The following PIBF1 variants were observed in gnomAD, a reference collection of about 807,000 sequenced individuals.
The protein encoded by PIBF1 is progesterone immunomodulatory binding factor 1.
A neutral mutation model predicts 112.5 loss-of-function variants in PIBF1; 90 were observed. The ratio of observed to expected loss-of-function variants is 0.80; its 90% CI spans 0.67 to 0.95. The LOEUF is 0.95. Among genes scored for constraint, PIBF1 ranks in the 40% least tolerant of loss-of-function variants. PIBF1 has a pLI of 0.00. For missense variants in PIBF1, 915 were observed against 852.3 expected (o/e 1.07, Z -0.92); for synonymous variants, 301 against 288.6 (o/e 1.04, Z -0.44).
chr13:72,972,981 C>T (rs1026425663), intron 15 of PIBF1, among the ~76,000 whole-genome samples: 13 of 152,050 alleles, frequency 8.5e-5, no homozygotes, highest in African/African-American at 2.9e-4. Context: ...TACTTCTTAC[C>T]TTTTATGTGA....
At chr13:72,917,442 C>A (rs976713362) in intron 13 of PIBF1, among the ~76,000 whole-genome samples, 1 of 151,528 alleles carries the variant, frequency 6.6e-6, no homozygotes, top group Non-Finnish European at 1.5e-5. Context: ...AGATGAGCTA[C>A]AAATGCTTTG....
At chr13:72,812,110 C>T (rs758825467) in intron 5 of PIBF1, among the ~76,000 whole-genome samples, 16 of 152,050 alleles carry the variant, frequency 1.1e-4, no homozygotes, top group Non-Finnish European at 1.8e-4. Flanking sequence ...GGATGTATCA[C>T]TACATGATGG....
intron 9 of PIBF1, among the ~76,000 whole-genome samples, chr13:72,839,400 G>A (rs2037503718): frequency 6.6e-6 from 1 of 152,176 alleles, no homozygotes; most frequent in Non-Finnish European, 1.5e-5. Context: ...GCTTTAATAG[G>A]AAAACATGAT....
At chr13:72,946,772 C>T (rs2042158824) in intron 14 of PIBF1, among the ~76,000 whole-genome samples, 1 of 152,218 alleles carries the variant, frequency 6.6e-6, no homozygotes, top group South Asian at 2.1e-4. Context: ...CCTCCTTTGA[C>T]TCCACGTCTC....
At chr13:72,855,467 GGT>G (rs1185088655) in intron 10 of PIBF1, among the ~76,000 whole-genome samples, 1 of 152,060 alleles carries the variant, frequency 6.6e-6, no homozygotes, top group African/African-American at 2.4e-5. Flanking sequence ...TGGGCAACAT[GGT>G]AAAACCCCGT....
intron 10 of PIBF1, among the ~76,000 whole-genome samples, chr13:72,883,962 A>G (rs2039745370): frequency 6.6e-6 from 1 of 152,204 alleles, no homozygotes; most frequent in South Asian, 2.1e-4. Flanking sequence ...ATACATGCAT[A>G]AAATAACTAA....
intron 10 of PIBF1, among the ~76,000 whole-genome samples, chr13:72,859,254 T>A (rs1284103177): frequency 6.6e-6 from 1 of 152,124 alleles, no homozygotes; most frequent in Admixed American, 6.5e-5. Flanking sequence ...TACATTTCAA[T>A]TTTTAAGAGA....
chr13:72,931,756 C>CAT (rs2041710574), intron 14 of PIBF1, among the ~76,000 whole-genome samples: 2 of 79,054 alleles, frequency 2.5e-5, no homozygotes, highest in African/African-American at 8.2e-5. Context: ...ATGCATTTTA[C>CAT]ATAGCATTTT....
intron 10 of PIBF1, among the ~76,000 whole-genome samples, chr13:72,888,116 G>A (rs1451800539): frequency 6.6e-6 from 1 of 152,080 alleles, no homozygotes; most frequent in Non-Finnish European, 1.5e-5. Flanking sequence ...GAATTTGGTG[G>A]GTGAATAAAC....
chr13:72,864,939 A>G (rs1456840426), intron 10 of PIBF1, among the ~76,000 whole-genome samples: 2 of 152,170 alleles, frequency 1.3e-5, no homozygotes, highest in Admixed American at 1.3e-4. Flanking sequence ...TTAGATGAAC[A>G]TTACTTCCAG....
chr13:72,989,545 A>G (rs1021148682), intron 16 of PIBF1, among the ~76,000 whole-genome samples: 1 of 152,228 alleles, frequency 6.6e-6, no homozygotes, highest in Admixed American at 6.5e-5. Flanking sequence ...TACAAGGACA[A>G]AAAGTAGATT....
rs536623601 is a variant in PIBF1, at chr13:72,985,986, A to C, written c.2049+12311A>C. On this transcript the variant is annotated intron_variant, in intron 16 of 17. Coordinates refer to ENST00000326291, the MANE Select transcript of PIBF1 (RefSeq NM_006346.4). ...GTCAACATAATGAGACTCCATCTCTAGAAAAAAAAATTTTTTAAAATAAAT... is the reference window on the plus strand; with the variant it reads ...GTCAACATAATGAGACTCCATCTCTCGAAAAAAAAATTTTTTAAAATAAAT... 1.2e-4 allele frequency among the ~76,000 whole-genome samples: 19 copies of C among 152,146 alleles called. 1 individual carries two copies. In the East Asian group the frequency reaches 3.7e-3, roughly 29 times the overall value.
intron 10 of PIBF1, among the ~76,000 whole-genome samples, chr13:72,858,023 TTGTGTG>T (rs374331152): frequency 3.5e-5 from 5 of 141,312 alleles, no homozygotes; most frequent in Non-Finnish European, 4.6e-5. Context: ...CAAATGTACA[TTGTGTG>T]TGTGTGTGTG....
chr13:73,012,300 C>T lies in PIBF1; in HGVS notation c.2224-3569C>T, dbSNP rs574536347. Among the ~76,000 whole-genome samples, 31 of 151,992 alleles carry T rather than the reference C, an allele frequency of 2.0e-4. No homozygotes were observed. In the South Asian group the frequency reaches 5.8e-3, roughly 28 times the overall value. ...CTGGGAGGCCAAGGTTGCAGTGAGC[C>T]GAGATTGTGCCACTGCACTGCAGCC... On this transcript the variant is annotated intron_variant, in intron 17 of 17. Transcript: ENST00000326291.
At chr13:72,819,887 A>G (rs1593970608) in intron 5 of PIBF1, among the ~76,000 whole-genome samples, 2 of 151,946 alleles carry the variant, frequency 1.3e-5, no homozygotes, top group African/African-American at 4.8e-5. Context: ...TTCCTGACAC[A>G]CACCCCTGGT....
At chr13:72,961,833 A>G (rs2042615691) in intron 14 of PIBF1, among the ~76,000 whole-genome samples, 1 of 152,174 alleles carries the variant, frequency 6.6e-6, no homozygotes, top group Non-Finnish European at 1.5e-5. Context: ...AAAATAAAGA[A>G]CAAAAACAAG....
chr13:72,824,609 A>G (rs1384678453), intron 6 of PIBF1, among the ~76,000 whole-genome samples: 1 of 152,172 alleles, frequency 6.6e-6, no homozygotes, highest in African/African-American at 2.4e-5. Context: ...CAATAAATGT[A>G]TATGCATGTA....
chr13:72,972,321 T>A (rs2042916850), intron 15 of PIBF1, among the ~76,000 whole-genome samples: 1 of 152,084 alleles, frequency 6.6e-6, no homozygotes, highest in Non-Finnish European at 1.5e-5. Context: ...CATGAGCCAG[T>A]GTGCCCTGCC....
chr13:72,913,960 A>G (rs2040991994), intron 12 of PIBF1, among the ~76,000 whole-genome samples: 1 of 152,208 alleles, frequency 6.6e-6, no homozygotes, highest in Non-Finnish European at 1.5e-5. Context: ...CTATCAGTTC[A>G]CATTGGAAAT....
Sources: allele counts gnomAD v4.1 joint callset (sites outside exome capture counted in the v4.1 genomes callset), GRCh38; gene constraint gnomAD v4.1.1; transcripts MANE v1.5; gene names NCBI Gene and HGNC (gene_info 2026-07-23, HGNC 2026-07-21).